The following KCNAB1 variants were observed in gnomAD, a reference collection of about 807,000 sequenced individuals.
The protein encoded by KCNAB1 is voltage-gated potassium channel subunit beta-1.
In KCNAB1, 35 loss-of-function variants were observed where a neutral mutation model predicts 64.6. That is an observed-to-expected ratio of 0.54 (90% CI 0.41 to 0.72). The LOEUF is 0.72. Among genes scored for constraint, KCNAB1 ranks in the 30% least tolerant of loss-of-function variants. The pLI, the probability that KCNAB1 is intolerant of heterozygous loss-of-function variation, is 0.00. For synonymous variants in KCNAB1, 177 were observed against 183.8 expected (o/e 0.96, Z 0.30); for missense variants, 401 against 512.9 (o/e 0.78, Z 2.11).
In KCNAB1 at chr3:156,175,438, G is replaced by A. The variant is rs189181169; in HGVS notation, c.275+54552G>A. ...GATCGAGACCATCCTGGCTAACACA[G>A]TGAAACCCTGTCTCTACTGAAAATA... On this transcript the variant is annotated intron_variant, in intron 1 of 13. Coordinates refer to ENST00000490337, the MANE Select transcript of KCNAB1 (RefSeq NM_172160.3). 3.7e-3 allele frequency among the ~76,000 whole-genome samples: 558 copies of A among 152,320 alleles called. 4 individuals carry two copies. The highest frequency in any genetic ancestry group is 0.013 in the African/African-American group (543 of 41,576).
chr3:156,175,567 C>T (rs1712305668), intron 1 of KCNAB1, among the ~76,000 whole-genome samples: 1 of 152,120 alleles, frequency 6.6e-6, no homozygotes. Context: ...TGCAGTGAGC[C>T]GAGATGCGCC....
At chr3:156,336,804 G>C (rs2108056435) in intron 1 of KCNAB1, among the ~76,000 whole-genome samples, 1 of 152,370 alleles carries the variant, frequency 6.6e-6, no homozygotes, top group East Asian at 1.9e-4. Flanking sequence ...AGTTTGGTGA[G>C]TTGATACATC....
intron 1 of KCNAB1, among the ~76,000 whole-genome samples, chr3:156,343,888 G>A (rs1238255943): frequency 2.0e-5 from 3 of 152,182 alleles, no homozygotes; most frequent in Admixed American, 1.3e-4. Flanking sequence ...ACTAGAATGT[G>A]AAGATCCAAT....
chr3:156,193,433 A>C (rs934005099), intron 1 of KCNAB1, among the ~76,000 whole-genome samples: 3 of 152,154 alleles, frequency 2.0e-5, no homozygotes, highest in Admixed American at 6.6e-5. Context: ...CTCTAGGCAA[A>C]TGTAAGGGTT....
chr3:156,528,420 T>G (rs1345244331), intron 12 of KCNAB1, among the ~76,000 whole-genome samples: 1 of 152,204 alleles, frequency 6.6e-6, no homozygotes, highest in African/African-American at 2.4e-5. Context: ...TGCAAGACAC[T>G]GGGCTGGTGG....
intron 1 of KCNAB1, among the ~76,000 whole-genome samples, chr3:156,312,731 A>AAAAAAAAAAAAAAAAAAC (rs1722007557): frequency 6.9e-5 from 10 of 144,614 alleles, no homozygotes; most frequent in African/African-American, 2.7e-4. Context: ...AAAAAAAAAA[A>AAAAAAAAAAAAAAAAAAC]CTCATAATAA....
intron 2 of KCNAB1, among the ~76,000 whole-genome samples, chr3:156,435,669 G>C (rs1015581851): frequency 1.3e-5 from 2 of 152,184 alleles, no homozygotes; most frequent in Non-Finnish European, 2.9e-5. Flanking sequence ...GAAGAGAAGG[G>C]AAAGAGTTTG....
intron 2 of KCNAB1, among the ~76,000 whole-genome samples, chr3:156,442,204 C>T (rs979492295): frequency 4.6e-5 from 7 of 152,082 alleles, no homozygotes; most frequent in Non-Finnish European, 1.0e-4. Context: ...ATTCTAAGAT[C>T]CAAGTATGGA....
chr3:156,525,571 A>C (rs192136822), intron 12 of KCNAB1, among the ~76,000 whole-genome samples: 2 of 152,310 alleles, frequency 1.3e-5, no homozygotes, highest in African/African-American at 4.8e-5. Context: ...GCTGGAGTGC[A>C]GTGGCGCGAT....
chr3:156,378,514 C>T (rs1711887513), intron 1 of KCNAB1, among the ~76,000 whole-genome samples: 1 of 152,158 alleles, frequency 6.6e-6, no homozygotes, highest in Non-Finnish European at 1.5e-5. Flanking sequence ...GGCCAGTTCA[C>T]ACCCTTCCTT....
intron 2 of KCNAB1, among the ~76,000 whole-genome samples, chr3:156,432,150 A>G (rs1467648479): frequency 1.3e-5 from 2 of 152,190 alleles, no homozygotes; most frequent in African/African-American, 4.8e-5. Flanking sequence ...TGGATCTGGG[A>G]TGCCTTCCCC....
intron 1 of KCNAB1, chr3:156,292,034 G>T (rs1181827123): frequency 6.2e-7 from 1 of 1,614,126 alleles, no homozygotes; most frequent in South Asian, 1.1e-5. Context: ...ATTCCGCACG[G>T]TCGCTATCAT....
chr3:156,348,431 G>A (rs1044535578), intron 1 of KCNAB1, among the ~76,000 whole-genome samples: 10 of 152,186 alleles, frequency 6.6e-5, no homozygotes, highest in African/African-American at 1.9e-4. Context: ...TTAGGGGTGG[G>A]ACTGACATTT....
At chr3:156,176,471 G>A in intron 1 of KCNAB1, 1 of 788,588 alleles carries the variant, frequency 1.3e-6, no homozygotes, top group Non-Finnish European at 2.3e-6. Flanking sequence ...TCCCTTTAGC[G>A]TTTTAACCCT....
chr3:156,417,005 G>A (rs1045413376), intron 1 of KCNAB1, among the ~76,000 whole-genome samples: 9 of 152,104 alleles, frequency 5.9e-5, no homozygotes, highest in Non-Finnish European at 1.3e-4. Flanking sequence ...AAAATGCCTG[G>A]CTAAATCATT....
rs751967580 is a variant in KCNAB1, at chr3:156,474,815, T to A, written c.653T>A (p.Met218Lys). Residue 218 changes from methionine (M) to lysine (K), a missense_variant, in exon 8 of 14, where the codon ATG (methionine) becomes AAG (lysine). Transcript: ENST00000490337. ...FANRPDSNTP[M>K]EEIVRAMTHV... ...AATCGACCGGACAGTAACACTCCCA[T>A]GGAAGGTAAGTTAAGAAAGCTAATA... 22 of 1,611,086 alleles carry A rather than the reference T, an allele frequency of 1.4e-5. No homozygotes were observed. The highest frequency in any genetic ancestry group is 1.9e-5 in the Non-Finnish European group (22 of 1,177,576).
chr3:156,199,778 A>C (rs763882287), intron 1 of KCNAB1, among the ~76,000 whole-genome samples: 2 of 152,212 alleles, frequency 1.3e-5, no homozygotes, highest in Non-Finnish European at 2.9e-5. Context: ...CCTTTAGCTC[A>C]GAGGAGTTTG....
rs56209864 is a variant in KCNAB1 at position 156,180,548 on chromosome 3, C to T, written c.275+59662C>T. Among the ~76,000 whole-genome samples, 516 of 152,252 alleles carry T rather than the reference C, an allele frequency of 3.4e-3. 3 individuals carry two copies. The highest frequency in any genetic ancestry group is 0.012 in the African/African-American group (486 of 41,538). ...AAAAATTATGACATGTTTATTACTGCTTACAATGATCCATTTTCTACTTTT... is the reference window on the plus strand; with the variant it reads ...AAAAATTATGACATGTTTATTACTGTTTACAATGATCCATTTTCTACTTTT... On this transcript the variant is annotated intron_variant, in intron 1 of 13. Transcript: ENST00000490337.
At chr3:156,327,517 C>T (rs1479461496) in intron 1 of KCNAB1, among the ~76,000 whole-genome samples, 1 of 152,152 alleles carries the variant, frequency 6.6e-6, no homozygotes, top group African/African-American at 2.4e-5. Flanking sequence ...ATAATGTGTA[C>T]TGTGTGTCAC....
Sources: allele counts gnomAD v4.1 joint callset (sites outside exome capture counted in the v4.1 genomes callset), GRCh38; gene constraint gnomAD v4.1.1; transcripts MANE v1.5; gene names NCBI Gene and HGNC (gene_info 2026-07-23, HGNC 2026-07-21).